The following FREM1 variants were observed in gnomAD, a reference collection of about 807,000 sequenced individuals.
FREM1 encodes FRAS1-related extracellular matrix protein 1.
A neutral mutation model predicts 210.1 loss-of-function variants in FREM1; 220 were observed. The observed-to-expected ratio is 1.05, with a 90% CI of 0.94 to 1.17. FREM1 has a LOEUF of 1.17. Among genes scored for constraint, FREM1 ranks in the 50% most tolerant of loss-of-function variants. The probability of loss-of-function intolerance (pLI) is 0.00; values close to 1 mark genes in which losing one functional copy is unlikely to be tolerated. For synonymous variants in FREM1, 1,189 were observed against 980.2 expected, an observed-to-expected ratio of 1.21 and a Z score of -3.98; for missense variants, 3,454 against 2,675.5, an observed-to-expected ratio of 1.29 and a Z score of -6.42.
At chr9:14,790,085 A>C (rs1436726125) in intron 22 of FREM1, among the ~76,000 whole-genome samples, 1 of 152,174 alleles carries the variant, frequency 6.6e-6, no homozygotes, top group East Asian at 1.9e-4. Context: ...CTTTGGTCCA[A>C]GACTTTGCCC....
In FREM1 at chr9:14,890,727, C is replaced by T. The variant is rs146943892; in HGVS notation, c.-268+19187G>A. Among the ~76,000 whole-genome samples, 243 of 152,236 alleles carry T rather than the reference C, an allele frequency of 1.6e-3. 2 individuals carry two copies. The highest frequency in any genetic ancestry group is 5.7e-3 in the African/African-American group (235 of 41,546). On this transcript the variant is annotated intron_variant, in intron 1 of 36. Transcript: ENST00000380880. ...TCCAGGATATCCCTTGGAAACCAGA[C>T]GTCTGCCTGTTTCTACAGAGGCCTT... is the stretch of plus-strand genomic sequence containing the variant.
At position 14,769,716 on chromosome 9, in the gene FREM1, G is replaced by A; in HGVS notation, c.5204+8C>T. 2 of 1,611,592 alleles carry A rather than the reference G, an allele frequency of 1.2e-6. No homozygotes were observed. Among genetic ancestry groups the A allele is most frequent in the Non-Finnish European group, 1.7e-6 (2 of 1,178,588 alleles). Reference sequence around the variant, plus strand: ...ATATAGGACTACTGAATAAGCAAGAGAATTTACATTTGAGGAGTGGCCGAG... The same window carrying A: ...ATATAGGACTACTGAATAAGCAAGAAAATTTACATTTGAGGAGTGGCCGAG... On this transcript the variant is annotated splice_region_variant and intron_variant, in intron 27 of 36. Coordinates refer to ENST00000380880, the MANE Select transcript of FREM1 (RefSeq NM_001379081.2).
intron 5 of FREM1, among the ~76,000 whole-genome samples, chr9:14,853,344 C>T (rs1482299708): frequency 1.3e-5 from 2 of 152,160 alleles, no homozygotes; most frequent in African/African-American, 2.4e-5. Context: ...TCAGAGTGCA[C>T]TCTTGAGAGG....
At chr9:14,815,178 T>G (rs181124656) in intron 15 of FREM1, among the ~76,000 whole-genome samples, 249 of 152,286 alleles carry the variant, frequency 1.6e-3, no homozygotes, top group Non-Finnish European at 2.9e-3. Flanking sequence ...TATAATCACC[T>G]AGTGATGTAG....
chr9:14,840,319 T>A (rs1825451041), intron 10 of FREM1, among the ~76,000 whole-genome samples: 1 of 152,192 alleles, frequency 6.6e-6, no homozygotes, highest in Admixed American at 6.5e-5. Flanking sequence ...ACGTACATAG[T>A]AGGTTTATTA....
intron 21 of FREM1, among the ~76,000 whole-genome samples, chr9:14,794,719 G>A (rs1028838609): frequency 1.3e-5 from 2 of 152,258 alleles, no homozygotes; most frequent in Admixed American, 1.3e-4. Context: ...TGGAGATTGG[G>A]CCGGGCGCAG....
chr9:14,844,874 C>A (rs150522095), intron 8 of FREM1, among the ~76,000 whole-genome samples: 2,011 of 152,294 alleles, frequency 0.013, 36 homozygotes, highest in African/African-American at 0.043. Flanking sequence ...GCCTCAAATA[C>A]ATGAAGAAAA....
At position 14,860,550 on chromosome 9, in the gene FREM1, T is replaced by TAA. The variant is rs1829637403; in HGVS notation, c.330-1067_330-1066insTT. ...GTAGGTATGTATATATATACACATA[T>TAA]ATATACACACATATATATACACATA... is the stretch of plus-strand genomic sequence containing the variant. On this transcript the variant is annotated intron_variant, in intron 3 of 36. Coordinates refer to ENST00000380880, the MANE Select transcript of FREM1 (RefSeq NM_001379081.2). Among the ~76,000 whole-genome samples the TAA allele has an allele frequency of 1.6e-5, 2 of 125,138 alleles. 1 individual carries two copies. The highest frequency in any genetic ancestry group is 3.2e-5 in the Non-Finnish European group (2 of 61,788). The allele number at this position is 125,138 out of a possible 152,430, so 82.1% of individuals were successfully genotyped here. A position where few individuals can be genotyped will look rare whatever the true frequency, so the allele number is the denominator to read the frequency against.
intron 1 of FREM1, among the ~76,000 whole-genome samples, chr9:14,899,701 T>C (rs1344528154): frequency 6.6e-6 from 1 of 152,202 alleles, no homozygotes; most frequent in East Asian, 1.9e-4. Context: ...ATAGGCTATA[T>C]TCAAAATATT....
At chr9:14,809,998 G>C (rs1393755064) in intron 16 of FREM1, among the ~76,000 whole-genome samples, 1 of 152,140 alleles carries the variant, frequency 6.6e-6, no homozygotes, top group East Asian at 1.9e-4. Context: ...CTGATCGTGT[G>C]CAAGGTGCTG....
rs1824721487 is a variant in FREM1, at chr9:14,836,872, G to A, written c.1881+4575C>T. On this transcript the variant is annotated intron_variant, in intron 10 of 36. Transcript: ENST00000380880. The surrounding 1 kb of genome is among the most constrained non-coding windows in gnomAD (Gnocchi z 4.9). ...CTGCAGTTAGTGTGATATTGCCGCA[G>A]GGAGGAATGTGGTAGGAGTTATTAA... Among the ~76,000 whole-genome samples the A allele has an allele frequency of 6.6e-6, 1 of 152,166 alleles. No homozygotes were observed. Among genetic ancestry groups the A allele is most frequent in the African/African-American group, 2.4e-5 (1 of 41,432 alleles).
intron 2 of FREM1, among the ~76,000 whole-genome samples, chr9:14,864,342 G>C (rs1831126491): frequency 6.6e-6 from 1 of 152,110 alleles, no homozygotes; most frequent in African/African-American, 2.4e-5. Context: ...TATTCTTTCT[G>C]TATATCTGTG....
intron 5 of FREM1, among the ~76,000 whole-genome samples, chr9:14,855,777 A>G (rs1007815964): frequency 6.6e-6 from 1 of 152,124 alleles, no homozygotes; most frequent in Non-Finnish European, 1.5e-5. Context: ...AAAGGGATAA[A>G]CTCCCAATAA....
chr9:14,793,143 A>G (rs75325237), intron 21 of FREM1, among the ~76,000 whole-genome samples: 6,606 of 152,310 alleles, frequency 0.043, 487 homozygotes, highest in African/African-American at 0.15. Flanking sequence ...ACATGTACCA[A>G]ACTTTACAAT....
At chr9:14,865,201 G>A (rs1831278035) in intron 2 of FREM1, among the ~76,000 whole-genome samples, 1 of 152,124 alleles carries the variant, frequency 6.6e-6, no homozygotes, top group Admixed American at 6.5e-5. Flanking sequence ...TCAAAGTAGA[G>A]ATACTTTCTT....
intron 1 of FREM1, among the ~76,000 whole-genome samples, chr9:14,870,633 GTTTC>G (rs998261938): frequency 1.3e-5 from 2 of 151,560 alleles, no homozygotes; most frequent in African/African-American, 4.9e-5. Flanking sequence ...ATTTAATATG[GTTTC>G]TTTTTTTTAT....
chr9:14,896,656 A>G (rs1401095068), intron 1 of FREM1, among the ~76,000 whole-genome samples: 1 of 152,026 alleles, frequency 6.6e-6, no homozygotes, highest in African/African-American at 2.4e-5. Context: ...TGCTCTGTCT[A>G]TGGAGCAGCC....
intron 28 of FREM1, 104 bp from the exon 29 acceptor site, chr9:14,756,550 G>A (rs1432752055): frequency 6.7e-6 from 5 of 751,216 alleles, no homozygotes; most frequent in Non-Finnish European, 1.0e-5. Context: ...TCTTAAATCT[G>A]TTTTTAATAT....
At chr9:14,833,396 C>T (rs1051276709) in intron 10 of FREM1, among the ~76,000 whole-genome samples, 35 of 152,136 alleles carry the variant, frequency 2.3e-4, no homozygotes, top group Non-Finnish European at 4.0e-4. Context: ...CTTCCAAAGT[C>T]GGTTCAGCCT....
Sources: gnomAD v4.1 joint callset for allele counts (sites outside exome capture counted in the v4.1 genomes callset) on GRCh38, gnomAD v4.1.1 for gene constraint, Gnocchi (gnomAD v3.1) non-coding constraint, MANE v1.5 for transcripts, NCBI Gene and HGNC (gene_info 2026-07-23, HGNC 2026-07-21) for gene names.